The following PCDH15 variants were observed in gnomAD, a reference collection of about 807,000 sequenced individuals.
PCDH15 encodes the protein protocadherin-15.
A neutral mutation model predicts 178.5 loss-of-function variants in PCDH15; 129 were observed. That is an observed-to-expected ratio of 0.72 (90% CI 0.63 to 0.84). The LOEUF is 0.84. Among genes scored for constraint, PCDH15 ranks in the 40% least tolerant of loss-of-function variants. The probability of loss-of-function intolerance (pLI) is 0.00; values close to 1 mark genes in which losing one functional copy is unlikely to be tolerated. For synonymous variants in PCDH15, 800 were observed against 732.0 expected, an observed-to-expected ratio of 1.09 and a Z score of -1.50; for missense variants, 2,230 against 2,099.9, an observed-to-expected ratio of 1.06 and a Z score of -1.21.
chr10:55,380,630 A>G (rs993360962), intron 2 of PCDH15, among the ~76,000 whole-genome samples: 7 of 152,134 alleles, frequency 4.6e-5, no homozygotes, highest in African/African-American at 1.7e-4. Flanking sequence ...CTGTCATACA[A>G]TCCCACTGTG....
At chr10:54,819,851 T>C (rs1953007623) in intron 3 of PCDH15, among the ~76,000 whole-genome samples, 1 of 152,072 alleles carries the variant, frequency 6.6e-6, no homozygotes, top group East Asian at 1.9e-4. Flanking sequence ...TCTTCATTAC[T>C]TCCTTCTCTG....
chr10:53,811,684 G>T, intron 35 of PCDH15, 65 bp from the exon 36 acceptor site: 1 of 955,496 alleles, frequency 1.0e-6, no homozygotes, highest in African/African-American at 1.7e-5. Context: ...GTCAAAGTCA[G>T]ATTTCTACAC....
intron 17 of PCDH15, among the ~76,000 whole-genome samples, chr10:54,068,463 C>T (rs1336615626): frequency 6.6e-6 from 1 of 152,068 alleles, no homozygotes; most frequent in East Asian, 1.9e-4. Flanking sequence ...ACCCAAATGT[C>T]CATCGATAGT....
At chr10:54,222,873 G>C (rs1217174578) in intron 9 of PCDH15, among the ~76,000 whole-genome samples, 1 of 152,050 alleles carries the variant, frequency 6.6e-6, no homozygotes, top group African/African-American at 2.4e-5. Flanking sequence ...TCACTTGTTG[G>C]ATACATTTCG....
intron 2 of PCDH15, among the ~76,000 whole-genome samples, chr10:55,534,122 T>G (rs1841517855): frequency 6.6e-6 from 1 of 151,872 alleles, no homozygotes; most frequent in South Asian, 2.1e-4. Context: ...ATTATAAAAA[T>G]CCTAGAAGAA....
intron 1 of PCDH15, among the ~76,000 whole-genome samples, chr10:55,284,286 C>G (rs936981286): frequency 2.0e-5 from 3 of 152,072 alleles, no homozygotes; most frequent in African/African-American, 7.2e-5. Context: ...TCAGGATGGA[C>G]AGCCGACTGA....
chr10:54,459,206 C>T (rs1057028384), intron 3 of PCDH15, among the ~76,000 whole-genome samples: 1 of 152,134 alleles, frequency 6.6e-6, no homozygotes, highest in African/African-American at 2.4e-5. Context: ...CCACCTTGTA[C>T]CCTGAGTTGC....
At chr10:53,825,127 T>C in intron 32 of PCDH15, 1 of 1,540,826 alleles carries the variant, frequency 6.5e-7, no homozygotes, top group Non-Finnish European at 8.8e-7. Flanking sequence ...AGTGATATTA[T>C]TTACTTACTT....
intron 18 of PCDH15, among the ~76,000 whole-genome samples, chr10:54,056,094 T>C (rs2093879974): frequency 6.6e-6 from 1 of 152,178 alleles, no homozygotes; most frequent in African/African-American, 2.4e-5. Flanking sequence ...TCCAAGTCCA[T>C]TGTTGGGATT....
intron 3 of PCDH15, among the ~76,000 whole-genome samples, chr10:54,505,337 A>G (rs2137561587): frequency 6.6e-6 from 1 of 152,242 alleles, no homozygotes; most frequent in East Asian, 1.9e-4. Context: ...AAAATGAAAG[A>G]AAGGAAGGCA....
chr10:54,340,732 A>G (rs1009593167), intron 6 of PCDH15, among the ~76,000 whole-genome samples: 13 of 152,088 alleles, frequency 8.5e-5, no homozygotes, highest in African/African-American at 3.1e-4. Context: ...GGTTTTCTAC[A>G]TTGGCATGGT....
At chr10:55,173,886 C>T (rs1303617174) in intron 1 of PCDH15, among the ~76,000 whole-genome samples, 1 of 152,008 alleles carries the variant, frequency 6.6e-6, no homozygotes. Context: ...TATACCAATA[C>T]ATTTAATGTA....
In PCDH15 at chr10:54,178,414, G is replaced by C. The variant is rs142468236; in HGVS notation, c.1590+5030C>G. On this transcript the variant is annotated intron_variant, in intron 13 of 37. Coordinates refer to ENST00000644397, the MANE Select transcript of PCDH15 (RefSeq NM_001384140.1). ...TAGAAGCATGAAGAATTATATCTGG[G>C]AGTAGGGATTAGACCAGAACCTGGG... Among the ~76,000 whole-genome samples the C allele has an allele frequency of 5.9e-3, 900 of 152,174 alleles. 7 individuals are homozygous for C. Among genetic ancestry groups the C allele is most frequent in the African/African-American group, 0.02 (820 of 41,522 alleles).
At position 55,583,810 on chromosome 10, in the gene PCDH15, C is replaced by T. The variant is rs191913562; in HGVS notation, c.-156+43815G>A. Among the ~76,000 whole-genome samples the T allele has an allele frequency of 2.4e-3, 358 of 152,102 alleles. 1 individual carries two copies. Among genetic ancestry groups the T allele is most frequent in the African/African-American group, 8.1e-3 (337 of 41,510 alleles). On this transcript the variant is annotated intron_variant, in intron 2 of 5. Coordinates refer to the PCDH15 transcript ENST00000613346. ...CAATCTTTTCACCACTTTTATAAAA[C>T]ATATAATATAAAAAGATTCAGAAAA...
At chr10:55,541,151 G>A (rs543973702) in intron 2 of PCDH15, among the ~76,000 whole-genome samples, 33 of 151,928 alleles carry the variant, frequency 2.2e-4, no homozygotes, top group Non-Finnish European at 4.1e-4. Context: ...TCATTACTTT[G>A]TTTCTGAAAG....
intron 2 of PCDH15, among the ~76,000 whole-genome samples, chr10:55,401,497 C>A (rs1455175882): frequency 6.6e-6 from 1 of 151,602 alleles, no homozygotes; most frequent in Non-Finnish European, 1.5e-5. Flanking sequence ...AGGTCTGTGC[C>A]CTGACAATTA....
intron 2 of PCDH15, among the ~76,000 whole-genome samples, chr10:55,121,311 T>C (rs1449660810): frequency 6.7e-6 from 1 of 150,142 alleles, no homozygotes; most frequent in African/African-American, 2.4e-5. Context: ...GTCTATCCCA[T>C]AATATTTTAG....
intron 32 of PCDH15, chr10:53,822,943 T>C: frequency 1.9e-6 from 3 of 1,614,148 alleles, no homozygotes; most frequent in African/African-American, 1.3e-5. Context: ...TGCAGATCTA[T>C]GATCTCTGGT....
At chr10:55,000,083 T>C (rs952218988) in intron 2 of PCDH15, among the ~76,000 whole-genome samples, 2 of 152,166 alleles carry the variant, frequency 1.3e-5, no homozygotes, top group African/African-American at 4.8e-5. Context: ...GCATTGTCAT[T>C]GATAACATCT....
Sources: gnomAD v4.1 joint callset for allele counts (sites outside exome capture counted in the v4.1 genomes callset) on GRCh38, gnomAD v4.1.1 for gene constraint, MANE v1.5 for transcripts, NCBI Gene and HGNC (gene_info 2026-07-23, HGNC 2026-07-21) for gene names.